PADI1: variants seen among roughly 807,000 people sequenced by gnomAD.
The protein encoded by PADI1 is peptidyl arginine deiminase 1, also known as protein-arginine deiminase type-1.
A neutral mutation model predicts 74.8 loss-of-function variants in PADI1; 65 were observed. That is an observed-to-expected ratio of 0.87 (90% CI 0.71 to 1.07). PADI1 has a LOEUF of 1.07. PADI1 is among the 50% of genes least tolerant of loss of function. The pLI, the probability that PADI1 is intolerant of heterozygous loss-of-function variation, is 0.00. For synonymous variants in PADI1, 371 were observed against 336.2 expected (o/e 1.10, Z -1.13); for missense variants, 943 against 854.0 (o/e 1.10, Z -1.30).
At chr1:17,229,297 C>A (rs1466075142) in intron 8 of PADI1, among the ~76,000 whole-genome samples, 1 of 151,788 alleles carries the variant, frequency 6.6e-6, no homozygotes, top group Non-Finnish European at 1.5e-5. Context: ...TCCTGCCCAT[C>A]CTGTCCTGTG....
intron 11 of PADI1, among the ~76,000 whole-genome samples, chr1:17,237,100 G>A (rs2072661480): frequency 6.6e-6 from 1 of 152,340 alleles, no homozygotes; most frequent in Non-Finnish European, 1.5e-5. Flanking sequence ...CACTTACTGC[G>A]AGGACCCTAA....
At chr1:17,229,963 G>T in intron 8 of PADI1, 122 bp from the exon 9 acceptor site, 2 of 866,104 alleles carry the variant, frequency 2.3e-6, no homozygotes, top group Non-Finnish European at 3.6e-6. Flanking sequence ...GCCTCTCAAG[G>T]TCATGAACTG....
At chr1:17,214,428 T>C (rs772047567) in intron 1 of PADI1, among the ~76,000 whole-genome samples, 2 of 152,094 alleles carry the variant, frequency 1.3e-5, no homozygotes, top group Non-Finnish European at 2.9e-5. Context: ...ACCATGATGA[T>C]ATAACAGTGA....
Position 17,230,101 on chromosome 1 carries a change from G to A in PADI1, c.946G>A (p.Gly316Ser). ...LYVCRVMDTH[G>S]SNEKFLEDMS... ...CTTTTACAGAGTGATGGACACTCAT[G>A]GCTCCAATGAGAAATTCCTGGAGGA... is the stretch of plus-strand genomic sequence containing the variant. Residue 316 changes from glycine (G) to serine (S), a missense_variant, in exon 9 of 16, where the codon GGC (glycine) becomes AGC (serine). Gly to Ser is a moderately conservative substitution (Grantham distance 56). Coordinates refer to ENST00000375471, the MANE Select transcript of PADI1 (RefSeq NM_013358.3). 1 of 1,613,892 alleles carries A rather than the reference G, an allele frequency of 6.2e-7. No homozygotes were observed. The highest frequency in any genetic ancestry group is 8.5e-7 in the Non-Finnish European group (1 of 1,179,768).
At chr1:17,221,468 C>CA (rs35724119) in intron 1 of PADI1, among the ~76,000 whole-genome samples, 1,146 of 46,418 alleles carry the variant, frequency 0.025, 30 homozygotes, top group African/African-American at 0.082. Context: ...GACTCTGTCT[C>CA]AAGAAAAAAA....
rs1033890789 is a variant in PADI1 at position 17,209,535 on chromosome 1, T to C, written c.92+4226T>C. Among the ~76,000 whole-genome samples, 13 of 152,352 alleles carry C rather than the reference T, an allele frequency of 8.5e-5. No individual in the cohort carries two copies. The East Asian group carries it at 1.5e-3, about 18-fold the overall frequency. ...AATTCTGTGGAACTCCCTGCTCCCC[T>C]GGGTCCTAGCTGCCACTTGCCATTT... is the stretch of plus-strand genomic sequence containing the variant. On this transcript the variant is annotated intron_variant, in intron 1 of 15. Coordinates refer to ENST00000375471, the MANE Select transcript of PADI1 (RefSeq NM_013358.3).
intron 14 of PADI1, 192 bp downstream of exon 14, chr1:17,239,975 C>T: frequency 1.7e-6 from 1 of 577,536 alleles, no homozygotes; most frequent in Non-Finnish European, 3.1e-6. Flanking sequence ...GAGCCATGCC[C>T]TCAGAGAGCT....
At chr1:17,226,634 A>G (rs568785428) in intron 6 of PADI1, among the ~76,000 whole-genome samples, 6 of 152,324 alleles carry the variant, frequency 3.9e-5, no homozygotes, top group African/African-American at 1.2e-4. Flanking sequence ...TTAAAAAAAT[A>G]TGGCCAAGGC....
Position 17,223,621 on chromosome 1 carries a change from G to T in PADI1, c.274G>T (p.Val92Leu). ...GCAGGCTTAGGGCTATGTTCTGCAG[G>T]TGAGGGTCTCCTACTTTGGGGAGCA... ...TASKELKDFK[V>L]RVSYFGEQED... is the part of the protein sequence containing the mutation. The change falls in exon 3 of 16, where the codon GTG (valine) becomes TTG (leucine). Residue 92 changes from valine (V) to leucine (L), a missense_variant and splice_region_variant. By Grantham distance (32) the Val-to-Leu change is conservative. Transcript: ENST00000375471. The T allele has an allele frequency of 6.2e-7, 1 of 1,613,654 alleles. No homozygotes were observed. The highest frequency in any genetic ancestry group is 8.5e-7 in the Non-Finnish European group (1 of 1,179,630).
chr1:17,222,958 A>ACCTATGGCATACAGTGATCC (rs2072200793), intron 2 of PADI1, among the ~76,000 whole-genome samples: 1 of 151,904 alleles, frequency 6.6e-6, no homozygotes, highest in Non-Finnish European at 1.5e-5. Flanking sequence ...AGCCCCCAGC[A>ACCTATGGCATACAGTGATCC]CCCAAATCCT....
chr1:17,237,068 T>C (rs1364054312), intron 11 of PADI1, among the ~76,000 whole-genome samples: 1 of 152,170 alleles, frequency 6.6e-6, no homozygotes, highest in Non-Finnish European at 1.5e-5. Context: ...TATCATAGGG[T>C]CATCAGGAGG....
At chr1:17,205,387 C>A in intron 1 of PADI1, 78 bp downstream of exon 1, 1 of 1,069,658 alleles carries the variant, frequency 9.3e-7, no homozygotes, top group Non-Finnish European at 1.4e-6. Flanking sequence ...GCCTGGTAGA[C>A]AAGTCAGGCA....
intron 1 of PADI1, among the ~76,000 whole-genome samples, chr1:17,216,821 G>A (rs1569767535): frequency 6.6e-6 from 1 of 152,220 alleles, no homozygotes; most frequent in African/African-American, 2.4e-5. Flanking sequence ...AGTGAGCTGA[G>A]ATCATGCCTT....
rs141776049 is a variant in PADI1 at position 17,229,916 on chromosome 1, T to A, written c.930-169T>A. On this transcript the variant is annotated intron_variant, in intron 8 of 15. Coordinates refer to ENST00000375471, the MANE Select transcript of PADI1 (RefSeq NM_013358.3). ...ACCTTGCACCTGTCACCTGATGTGATCTGGAGACTTTATCCATCTTCCCCA... is the reference window on the plus strand; with the variant it reads ...ACCTTGCACCTGTCACCTGATGTGAACTGGAGACTTTATCCATCTTCCCCA... Among the ~76,000 whole-genome samples, 874 of 152,290 alleles carry A rather than the reference T, an allele frequency of 5.7e-3. 7 individuals carry two copies. Among genetic ancestry groups the A allele is most frequent in the African/African-American group, 0.02 (841 of 41,576 alleles).
At chr1:17,205,906 G>A (rs901746214) in intron 1 of PADI1, among the ~76,000 whole-genome samples, 1 of 151,980 alleles carries the variant, frequency 6.6e-6, no homozygotes. Context: ...GATGAACAGT[G>A]ATGATGGCGA....
In PADI1 at chr1:17,225,943, G is replaced by A; in HGVS notation, c.526+15G>A. On this transcript the variant is annotated intron_variant, in intron 5 of 15. Coordinates refer to ENST00000375471, the MANE Select transcript of PADI1 (RefSeq NM_013358.3). ...GTCGCTGGCTGGTGAGTGACACAAGGTGTTGTCTGGGGAGTGGGGAAGGGG... is the reference window on the plus strand; with the variant it reads ...GTCGCTGGCTGGTGAGTGACACAAGATGTTGTCTGGGGAGTGGGGAAGGGG... 6.2e-7 allele frequency: 1 copy of A among 1,613,362 alleles called. No homozygotes were observed. The highest frequency in any genetic ancestry group is 2.2e-5 in the East Asian group (1 of 44,792).
chr1:17,230,856 G>A (rs2072472034), intron 10 of PADI1, among the ~76,000 whole-genome samples, 177 bp downstream of exon 10: 1 of 152,202 alleles, frequency 6.6e-6, no homozygotes, highest in South Asian at 2.1e-4. Context: ...GGGCAAGAGA[G>A]GAAATGATAT....
rs2072398577 is a variant in PADI1 at position 17,228,799 on chromosome 1, T to C, written c.825+2T>C. On this transcript the variant is annotated splice_donor_variant, in intron 7 of 15. Coordinates refer to ENST00000375471, the MANE Select transcript of PADI1 (RefSeq NM_013358.3). LOFTEE classifies it high-confidence loss of function. Reference sequence around the variant, plus strand: ...AGTGTCAGCCTGGTGGACCCGGGGGTGTGTACAGCACTGGGGGGTGGCCAA... The same window carrying C: ...AGTGTCAGCCTGGTGGACCCGGGGGCGTGTACAGCACTGGGGGGTGGCCAA... 6.2e-7 allele frequency: 1 copy of C among 1,611,460 alleles called. No homozygotes were observed. Among genetic ancestry groups the C allele is most frequent in the South Asian group, 1.1e-5 (1 of 90,960 alleles).
chr1:17,241,213 C>T lies in PADI1; in HGVS notation c.1758+453C>T, dbSNP rs574996503. Among the ~76,000 whole-genome samples the T allele has an allele frequency of 1.9e-3, 286 of 152,292 alleles. 1 individual carries two copies. Among genetic ancestry groups the T allele is most frequent in the African/African-American group, 6.0e-3 (250 of 41,564 alleles). On this transcript the variant is annotated intron_variant, in intron 15 of 15. Transcript: ENST00000375471. ...TGTCAGGCGGTGCAGGTGGGGTGGG[C>T]GGTGGCCTCGCTGACTCTCATTAAC...
Sources: gnomAD v4.1 joint callset for allele counts (sites outside exome capture counted in the v4.1 genomes callset) on GRCh38, gnomAD v4.1.1 for gene constraint, MANE v1.5 for transcripts, NCBI Gene and HGNC (gene_info 2026-07-23, HGNC 2026-07-21) for gene names.